Variants in KLHL22 observed in about 807,000 individuals in gnomAD.
The protein encoded by KLHL22 is kelch like family member 22.
A neutral mutation model predicts 60.7 loss-of-function variants in KLHL22; 18 were observed. The ratio of observed to expected loss-of-function variants is 0.30; its 90% CI spans 0.20 to 0.44. The LOEUF (loss-of-function observed/expected upper bound fraction) is 0.44. Among genes scored for constraint, KLHL22 ranks in the 20% least tolerant of loss-of-function variants. The pLI, the probability that KLHL22 is intolerant of heterozygous loss-of-function variation, is 1.00. For synonymous variants in KLHL22, 355 were observed against 354.5 expected (o/e 1.00, Z -0.01); for missense variants, 596 against 852.3 (o/e 0.70, Z 3.74).
chr22:20,486,099 A>G (rs978982284), intron 2 of KLHL22, among the ~76,000 whole-genome samples: 6 of 147,860 alleles, frequency 4.1e-5, no homozygotes, highest in Non-Finnish European at 8.9e-5. Flanking sequence ...ACCCGGAGGC[A>G]GAGGTTGCAG....
At chr22:20,447,452 A>G (rs1248047768) in intron 5 of KLHL22, among the ~76,000 whole-genome samples, 1 of 152,024 alleles carries the variant, frequency 6.6e-6, no homozygotes, top group Non-Finnish European at 1.5e-5. Context: ...AAGAGTCTAG[A>G]GAGGTGGACG....
Position 20,443,756 on chromosome 22 carries a change from TGGAAGG to T in KLHL22, c.1540-1324_1540-1319del, listed in dbSNP as rs909652952. 3.0e-5 allele frequency among the ~76,000 whole-genome samples: 4 copies of T among 132,940 alleles called. 1 individual carries two copies. The highest frequency in any genetic ancestry group is 2.3e-4 in the Admixed American group (3 of 13,048). The allele number at this position is 132,940 out of a possible 152,430, so 87.2% of individuals were successfully genotyped here. A position where few individuals can be genotyped will look rare whatever the true frequency, so the allele number is the denominator to read the frequency against. On this transcript the variant is annotated intron_variant, in intron 6 of 6. Transcript: ENST00000328879. Reference sequence around the variant, plus strand: ...GTCTCAAACAAACAAACAAAAAAAGTGGAAGGGGAGGCCGGGGGTGGTGGCTCACGC... The same window carrying T: ...GTCTCAAACAAACAAACAAAAAAAGTGGAGGCCGGGGGTGGTGGCTCACGC...
At chr22:20,443,032 A>C (rs2052789390) in intron 6 of KLHL22, among the ~76,000 whole-genome samples, 1 of 152,270 alleles carries the variant, frequency 6.6e-6, no homozygotes. Flanking sequence ...TAGTAATTCA[A>C]GAAACGCAAA....
At chr22:20,454,327 T>C (rs1033008063) in intron 5 of KLHL22, among the ~76,000 whole-genome samples, 11 of 151,766 alleles carry the variant, frequency 7.2e-5, no homozygotes, top group Admixed American at 5.9e-4. Flanking sequence ...AGACTCTGTC[T>C]CAAAAAAAAT....
chr22:20,491,793 CA>C (rs2053696038), intron 1 of KLHL22: 1 of 152,242 alleles, frequency 6.6e-6, no homozygotes, highest in African/African-American at 2.4e-5. Context: ...GGGCCACCCC[CA>C]ACCCCATCCC....
In KLHL22 at chr22:20,457,964, C is replaced by G. The variant is rs1047361898; in HGVS notation, c.1149G>C (p.Gln383His). ...DPRHNRWFQI[Q>H]SLQQEHADLS... Reference sequence around the variant, plus strand: ...GGTCGGCGTGCTCCTGCTGCAGGGACTGGATCTGGAACCAGCGGTTGTGCC... The same window carrying G: ...GGTCGGCGTGCTCCTGCTGCAGGGAGTGGATCTGGAACCAGCGGTTGTGCC... The change falls in exon 5 of 7, where the codon CAG (glutamine) becomes CAC (histidine). Residue 383 changes from glutamine (Q) to histidine (H), a missense_variant. Transcript: ENST00000328879. 7 of 1,614,162 alleles carry G rather than the reference C, an allele frequency of 4.3e-6. No individual in the cohort carries two copies. The highest frequency in any genetic ancestry group is 4.2e-6 in the Non-Finnish European group (5 of 1,180,030).
intron 2 of KLHL22, among the ~76,000 whole-genome samples, chr22:20,480,060 G>A (rs1232135111): frequency 2.0e-5 from 3 of 152,192 alleles, no homozygotes; most frequent in Non-Finnish European, 4.4e-5. Flanking sequence ...TAACACACAT[G>A]AACCTTAAGG....
chr22:20,468,476 T>C (rs2053266978), intron 3 of KLHL22, among the ~76,000 whole-genome samples: 1 of 152,166 alleles, frequency 6.6e-6, no homozygotes, highest in Admixed American at 6.5e-5. Flanking sequence ...ACAGTGTTAC[T>C]GGGAATCAGA....
At chr22:20,453,092 G>T (rs2053004342) in intron 5 of KLHL22, among the ~76,000 whole-genome samples, 1 of 152,100 alleles carries the variant, frequency 6.6e-6, no homozygotes, top group Non-Finnish European at 1.5e-5. Flanking sequence ...TGTTTTATGG[G>T]TATTGGGAGT....
intron 2 of KLHL22, among the ~76,000 whole-genome samples, chr22:20,473,212 C>T (rs2053356343): frequency 6.6e-6 from 1 of 152,124 alleles, no homozygotes; most frequent in South Asian, 2.1e-4. Context: ...GTGACCCTGG[C>T]CCTGGGGAGG....
intron 2 of KLHL22, among the ~76,000 whole-genome samples, chr22:20,477,403 GA>G (rs1001024339): frequency 6.7e-6 from 1 of 148,944 alleles, no homozygotes; most frequent in African/African-American, 2.5e-5. Flanking sequence ...AAAAAGAAGG[GA>G]AAAAAAAAGA....
At position 20,485,523 on chromosome 22, in the gene KLHL22, G is replaced by A. The variant is rs75179603; in HGVS notation, c.227+3462C>T. ...GACAATTAGGGAAAGCTCTCCAGAG[G>A]AGGAGGCATCTCAGGTGGGCCAAAG... On this transcript the variant is annotated intron_variant, in intron 2 of 6. Transcript: ENST00000328879. Among the ~76,000 whole-genome samples the A allele has an allele frequency of 3.3e-5, 5 of 152,264 alleles. No individual in the cohort carries two copies. The South Asian group carries it at 6.2e-4, about 19-fold the overall frequency.
intron 4 of KLHL22, among the ~76,000 whole-genome samples, chr22:20,463,431 A>T (rs1467287944): frequency 6.6e-6 from 1 of 152,066 alleles, no homozygotes; most frequent in African/African-American, 2.4e-5. Flanking sequence ...CCAAGCTGTC[A>T]CCCCCCTAGG....
At chr22:20,458,058 G>A (rs924780167) in intron 4 of KLHL22, 58 bp from the exon 5 acceptor site, 1 of 1,575,334 alleles carries the variant, frequency 6.3e-7, no homozygotes, top group Non-Finnish European at 8.7e-7. Flanking sequence ...TGCTCCGCAG[G>A]CTTGCACCTC....
intron 2 of KLHL22, 78 bp downstream of exon 2, chr22:20,488,907 T>C (rs888338271): frequency 8.6e-6 from 12 of 1,399,634 alleles, no homozygotes; most frequent in Middle Eastern, 1.8e-4. Context: ...GACCAGCCAC[T>C]GTCACCGCCA....
At chr22:20,484,159 A>G (rs1240410890) in intron 2 of KLHL22, 1 of 597,360 alleles carries the variant, frequency 1.7e-6, no homozygotes, top group Non-Finnish European at 3.2e-6. Context: ...TGATGACCTA[A>G]TTTTTGTATT....
In KLHL22 at chr22:20,465,565, A is replaced by G. The variant is rs751840830; in HGVS notation, c.405T>C (p.Ile135=). The change falls in exon 4 of 7, where the codon ATT becomes ATC. Residue 135 remains isoleucine (I), a synonymous_variant. Transcript: ENST00000328879. This position sits in a 1 kb window ranked among gnomAD's most constrained non-coding sequence, Gnocchi z 4.9. Reference sequence around the variant, plus strand: ...TGAGGAAATCACAGCAGAAATGGATAATTTCTGGGATCTGCAGAGAGAATG... The same window carrying G: ...TGAGGAAATCACAGCAGAAATGGATGATTTCTGGGATCTGCAGAGAGAATG... ...VAACQLQIPE[I]IHFCCDFLMS... is the part of the protein sequence containing the mutation. 7 of 1,493,620 alleles carry G rather than the reference A, an allele frequency of 4.7e-6. No homozygotes were observed. The Admixed American group carries it at 8.3e-5, about 18-fold the overall frequency. The allele number at this position is 1,493,620 out of a possible 1,614,324, so 92.5% of individuals were successfully genotyped here. A position where few individuals can be genotyped will look rare whatever the true frequency, so the allele number is the denominator to read the frequency against.
rs1328373164 is a variant in KLHL22, at chr22:20,469,402, G to A, written c.393+1948C>T. On this transcript the variant is annotated intron_variant, in intron 3 of 6. Transcript: ENST00000328879. ...GGGGAGCTCCGGGAGAGTGGCAGGT[G>A]TGGAGGAGGAGATAGGACAGCTGGA... Among the ~76,000 whole-genome samples the A allele has an allele frequency of 3.9e-5, 6 of 152,256 alleles. No individual in the cohort carries two copies. In the East Asian group the frequency reaches 1.2e-3, roughly 29 times the overall value.
chr22:20,489,019 G>C lies in KLHL22; in HGVS notation c.193C>G (p.Arg65Gly). 1 of 1,613,974 alleles carries C rather than the reference G, an allele frequency of 6.2e-7. No individual in the cohort carries two copies. The highest frequency in any genetic ancestry group is 8.5e-7 in the Non-Finnish European group (1 of 1,180,042). Residue 65 changes from arginine to glycine, a missense_variant, in exon 2 of 7, where the codon CGC becomes GGC. Arg to Gly is a moderately radical substitution (Grantham distance 125). Transcript: ENST00000328879. ...TCGCAGGACGCAGCCAGCAGGATGC[G>C]ATGGGCCTCGATGTGTCTGCCCTCC... Reference protein sequence around the residue: ...VVEGRHIEAHRILLAASCDYF... With the variant: ...VVEGRHIEAHGILLAASCDYF...
Sources: gnomAD v4.1 joint callset for allele counts (sites outside exome capture counted in the v4.1 genomes callset) on GRCh38, gnomAD v4.1.1 for gene constraint, Gnocchi (gnomAD v3.1) non-coding constraint, MANE v1.5 for transcripts, NCBI Gene and HGNC (gene_info 2026-07-23, HGNC 2026-07-21) for gene names.